GBE1: variants seen among roughly 807,000 people sequenced by gnomAD.
GBE1 encodes 1,4-alpha-glucan branching enzyme 1.
A neutral mutation model predicts 88.8 loss-of-function variants in GBE1; 70 were observed. The ratio of observed to expected loss-of-function variants is 0.79; its 90% CI spans 0.65 to 0.96. GBE1 has a LOEUF of 0.96. Ranked by LOEUF, GBE1 falls within the 40% of genes least tolerant of loss-of-function variation. The pLI is 0.00. For missense variants in GBE1, 872 were observed against 871.0 expected, an observed-to-expected ratio of 1.00 and a Z score of -0.01; for synonymous variants, 284 against 300.1, an observed-to-expected ratio of 0.95 and a Z score of 0.56.
At chr3:81,592,513 G>A (rs1253177745) in intron 8 of GBE1, among the ~76,000 whole-genome samples, 2 of 151,934 alleles carry the variant, frequency 1.3e-5, no homozygotes, top group Non-Finnish European at 2.9e-5. Flanking sequence ...GATATTAACT[G>A]CCTTAAATCT....
chr3:81,596,656 G>A (rs923488688), intron 7 of GBE1, among the ~76,000 whole-genome samples: 2 of 151,794 alleles, frequency 1.3e-5, no homozygotes, highest in African/African-American at 4.8e-5. Context: ...CACATTACTG[G>A]AGAAAAAACT....
chr3:81,753,372 G>A (rs903577853), intron 1 of GBE1, among the ~76,000 whole-genome samples: 2 of 152,192 alleles, frequency 1.3e-5, no homozygotes, highest in Non-Finnish European at 2.9e-5. Context: ...GTACCTGGTA[G>A]TAGCAATTTT....
intron 12 of GBE1, among the ~76,000 whole-genome samples, chr3:81,553,999 C>T (rs1409410615): frequency 6.6e-6 from 1 of 151,928 alleles, no homozygotes; most frequent in East Asian, 1.9e-4. Context: ...GAGACTAAAT[C>T]GAGAATGAGT....
At chr3:81,659,015 G>A (rs185493815) in intron 3 of GBE1, among the ~76,000 whole-genome samples, 459 of 152,158 alleles carry the variant, frequency 3.0e-3, no homozygotes, top group African/African-American at 0.01. Flanking sequence ...GATCAATATC[G>A]TAATAAAAGA....
At chr3:81,738,367 C>G (rs1293189167) in intron 1 of GBE1, among the ~76,000 whole-genome samples, 2 of 151,328 alleles carry the variant, frequency 1.3e-5, no homozygotes, top group Non-Finnish European at 2.9e-5. Flanking sequence ...ACAGTCCCAC[C>G]AACAGTGTAA....
chr3:81,724,161 G>A (rs1309775854), intron 1 of GBE1, among the ~76,000 whole-genome samples: 1 of 152,132 alleles, frequency 6.6e-6, no homozygotes, highest in Non-Finnish European at 1.5e-5. Context: ...TACTGGTTCA[G>A]TGAACATGGC....
At chr3:81,607,806 C>A (rs1475955631) in intron 7 of GBE1, among the ~76,000 whole-genome samples, 2 of 152,078 alleles carry the variant, frequency 1.3e-5, no homozygotes, top group African/African-American at 4.8e-5. Flanking sequence ...TTTCTTAACT[C>A]TTTTCTAATT....
chr3:81,513,941 C>T (rs1354332661), intron 14 of GBE1, among the ~76,000 whole-genome samples: 2 of 151,618 alleles, frequency 1.3e-5, no homozygotes, highest in African/African-American at 2.4e-5. Context: ...AAGCTAACCA[C>T]TATCCTTGCA....
intron 7 of GBE1, among the ~76,000 whole-genome samples, chr3:81,620,751 C>A (rs914821679): frequency 6.6e-6 from 1 of 152,024 alleles, no homozygotes; most frequent in East Asian, 1.9e-4. Flanking sequence ...AAAAAAGGAA[C>A]GTCCTGATTG....
At chr3:81,664,973 T>C (rs1368006237) in intron 3 of GBE1, among the ~76,000 whole-genome samples, 2 of 152,238 alleles carry the variant, frequency 1.3e-5, no homozygotes, top group Non-Finnish European at 2.9e-5. Flanking sequence ...CTTCAATTTA[T>C]ATTATTTCAT....
At chr3:81,539,312 C>A (rs1337668977) in intron 12 of GBE1, among the ~76,000 whole-genome samples, 1 of 151,896 alleles carries the variant, frequency 6.6e-6, no homozygotes, top group Non-Finnish European at 1.5e-5. Flanking sequence ...TGCACAAATG[C>A]ATCAGAGTGA....
intron 14 of GBE1, among the ~76,000 whole-genome samples, chr3:81,501,248 T>C (rs1408863975): frequency 6.6e-6 from 1 of 152,036 alleles, no homozygotes; most frequent in East Asian, 1.9e-4. Flanking sequence ...AACGAGGAAA[T>C]ATATGGGGGA....
At chr3:81,572,433 AC>A (rs1486006602) in intron 12 of GBE1, among the ~76,000 whole-genome samples, 5 of 152,150 alleles carry the variant, frequency 3.3e-5, no homozygotes. Flanking sequence ...TTCACAAAAT[AC>A]CATTTGTGTC....
At chr3:81,590,532 A>G (rs1322986799) in intron 9 of GBE1, among the ~76,000 whole-genome samples, 2 of 152,112 alleles carry the variant, frequency 1.3e-5, no homozygotes, top group Non-Finnish European at 2.9e-5. Context: ...ACAGTTAATC[A>G]TGAACCTTCA....
chr3:81,585,958 C>T (rs529747571), intron 10 of GBE1, 134 bp downstream of exon 10: 12 of 538,218 alleles, frequency 2.2e-5, no homozygotes, highest in South Asian at 1.2e-4. Flanking sequence ...GCATAAGAAT[C>T]GACAGACTAA....
intron 7 of GBE1, among the ~76,000 whole-genome samples, chr3:81,603,867 T>G (rs938604446): frequency 1.3e-5 from 2 of 152,156 alleles, no homozygotes; most frequent in African/African-American, 4.8e-5. Flanking sequence ...CAGACTAATT[T>G]GAATGATTTT....
At position 81,761,379 on chromosome 3, in the gene GBE1, G is replaced by C; in HGVS notation, c.139C>G (p.Arg47Gly). The C allele has an allele frequency of 1.2e-6, 2 of 1,607,612 alleles. No individual in the cohort carries two copies. The part of the protein sequence containing the change: ...YLKPYAVDFQ[R>G]RYKQFSQILK... The stretch of plus-strand genomic sequence containing the variant: ...GTGGTGGGATTCCGGCGGTACCTGC[G>C]CTGGAAGTCCACGGCGTAGGGCTTC... The change falls in exon 1 of 16, where the codon CGC (arginine) becomes GGC (glycine). Residue 47 changes from arginine (R) to glycine (G), a missense_variant. Arg to Gly is a moderately radical substitution (Grantham distance 125). Transcript: ENST00000429644.
At chr3:81,761,277 G>A (rs1018424938) in intron 1 of GBE1, 98 bp downstream of exon 1, 3 of 1,458,936 alleles carry the variant, frequency 2.1e-6, no homozygotes, top group Non-Finnish European at 2.8e-6. Context: ...CCTGGGGCGG[G>A]GTTGGCGCGC....
intron 14 of GBE1, among the ~76,000 whole-genome samples, chr3:81,527,114 T>C (rs1702953698): frequency 6.6e-6 from 1 of 152,104 alleles, no homozygotes; most frequent in African/African-American, 2.4e-5. Flanking sequence ...AAACAAGCAA[T>C]GGGGAAAGGA....
Sources: gnomAD v4.1 joint callset for allele counts (sites outside exome capture counted in the v4.1 genomes callset) on GRCh38, gnomAD v4.1.1 for gene constraint, MANE v1.5 for transcripts, NCBI Gene and HGNC (gene_info 2026-07-23, HGNC 2026-07-21) for gene names.